Variants in CERT1 observed in about 807,000 individuals in gnomAD.
The protein encoded by CERT1 is ceramide transporter 1.
CERT1 carries 31 observed loss-of-function variants against 87.9 expected under a neutral mutation model. The observed-to-expected ratio is 0.35, with a 90% confidence interval of 0.27 to 0.48. CERT1 has a LOEUF of 0.48. CERT1 is among the 20% of genes least tolerant of loss of function. The pLI, the probability that CERT1 is intolerant of heterozygous loss-of-function variation, is 0.99. For synonymous variants in CERT1, 289 were observed against 250.9 expected, an observed-to-expected ratio of 1.15 and a Z score of -1.44; for missense variants, 487 against 758.0, an observed-to-expected ratio of 0.64 and a Z score of 4.20.
intron 2 of CERT1, 146 bp downstream of exon 2, chr5:75,505,836 T>C (rs540743556): frequency 3.7e-6 from 2 of 538,302 alleles, no homozygotes; most frequent in African/African-American, 2.0e-5. Context: ...AAAATCACTT[T>C]ATGGAAAAAA....
Position 75,379,331 on chromosome 5 carries a change from T to C in CERT1, c.*15A>G, listed in dbSNP as rs1201219256. The C allele has an allele frequency of 3.7e-6, 6 of 1,602,822 alleles. No individual in the cohort carries two copies. Among genetic ancestry groups the C allele is most frequent in the Non-Finnish European group, 5.1e-6 (6 of 1,172,670 alleles). Reference sequence around the variant, plus strand: ...TTAAAAAAAGATAAAACATATCTTCTAGTACCTGTTAATACTAGAACAAAA... The same window carrying C: ...TTAAAAAAAGATAAAACATATCTTCCAGTACCTGTTAATACTAGAACAAAA... On this transcript the variant is annotated 3_prime_UTR_variant, in exon 17 of 17. Transcript: ENST00000643780.
chr5:75,418,446 C>CA (rs992090160), intron 6 of CERT1, among the ~76,000 whole-genome samples: 2 of 152,080 alleles, frequency 1.3e-5, no homozygotes, highest in African/African-American at 4.8e-5. Flanking sequence ...AAATTAAACA[C>CA]ACCCACACCC....
At chr5:75,426,335 ATGT>A (rs1352896835) in intron 4 of CERT1, 33 bp downstream of exon 4, 1 of 1,417,410 alleles carries the variant, frequency 7.1e-7, no homozygotes, top group Admixed American at 1.7e-5. Context: ...AACTCAATTT[ATGT>A]TGTTTAACTT....
chr5:75,472,607 C>T (rs983393441), intron 2 of CERT1, among the ~76,000 whole-genome samples: 3 of 152,062 alleles, frequency 2.0e-5, no homozygotes, highest in Admixed American at 1.3e-4. Context: ...TGCACAAACA[C>T]CTGAACAAAC....
At chr5:75,463,510 G>A (rs187420562) in intron 2 of CERT1, among the ~76,000 whole-genome samples, 261 of 152,168 alleles carry the variant, frequency 1.7e-3, no homozygotes, top group Admixed American at 3.5e-3. Context: ...TAAATCCATG[G>A]CACTTATACC....
chr5:75,511,413 G>A lies in CERT1; in HGVS notation c.-206C>T, dbSNP rs954080654. On this transcript the variant is annotated 5_prime_UTR_variant, in exon 1 of 17. Coordinates refer to ENST00000643780, the MANE Select transcript of CERT1 (RefSeq NM_001379029.1). ...AGCGGAGCGAGGAAGGAGGACGAGC[G>A]GTGAAGGAAGCCTACCCTTCCAGCC... is the stretch of plus-strand genomic sequence containing the variant. 1.9e-6 allele frequency: 3 copies of A among 1,545,296 alleles called. No homozygotes were observed. Among genetic ancestry groups the A allele is most frequent in the African/African-American group, 2.7e-5 (2 of 72,924 alleles).
intron 3 of CERT1, among the ~76,000 whole-genome samples, chr5:75,448,393 G>A (rs1000961588): frequency 5.9e-5 from 9 of 152,034 alleles, no homozygotes; most frequent in African/African-American, 1.7e-4. Flanking sequence ...TTTAACCTGC[G>A]GGATACTAAT....
chr5:75,412,437 G>C (rs965647978), intron 7 of CERT1, among the ~76,000 whole-genome samples: 1 of 152,144 alleles, frequency 6.6e-6, no homozygotes, highest in Non-Finnish European at 1.5e-5. Context: ...AATCATAAGA[G>C]AACAGATTAT....
At chr5:75,385,826 A>G in intron 13 of CERT1, 76 bp downstream of exon 13, 1 of 1,104,608 alleles carries the variant, frequency 9.1e-7, no homozygotes, top group Non-Finnish European at 1.2e-6. Flanking sequence ...ACTATGTAGG[A>G]GATGCAGAAA....
chr5:75,508,966 T>C (rs1297118446), intron 1 of CERT1, among the ~76,000 whole-genome samples: 3 of 152,230 alleles, frequency 2.0e-5, no homozygotes, highest in Non-Finnish European at 2.9e-5. Context: ...TTCCCCACCA[T>C]GATCCATCAC....
At chr5:75,506,397 T>C (rs1043514395) in intron 1 of CERT1, among the ~76,000 whole-genome samples, 2 of 152,200 alleles carry the variant, frequency 1.3e-5, no homozygotes, top group Non-Finnish European at 2.9e-5. Context: ...GAAAGCCAGA[T>C]TTTGGTTAAA....
Position 75,384,696 on chromosome 5 carries a change from A to G in CERT1, c.1434T>C (p.Phe478=), listed in dbSNP as rs1387648589. ...RNDWETTIEN[F]HVVETLADNA... ...TATCAGCTAATGTTTCCACCACATG[A>G]AAGTTTTCTATAGTTGCTGAAATGA... Residue 478 remains phenylalanine, a synonymous_variant, in exon 14 of 17, where the codon TTT becomes TTC. Transcript: ENST00000643780. 2 of 1,596,274 alleles carry G rather than the reference A, an allele frequency of 1.3e-6. No individual in the cohort carries two copies. The highest frequency in any genetic ancestry group is 1.7e-6 in the Non-Finnish European group (2 of 1,164,262).
At chr5:75,462,969 C>T (rs1222429077) in intron 2 of CERT1, among the ~76,000 whole-genome samples, 1 of 125,144 alleles carries the variant, frequency 8.0e-6, no homozygotes, top group East Asian at 2.3e-4. Context: ...TCCAGCCCGG[C>T]GACAGAGCAA....
chr5:75,507,817 T>C (rs1359237527), intron 1 of CERT1, among the ~76,000 whole-genome samples: 3 of 152,294 alleles, frequency 2.0e-5, no homozygotes, highest in African/African-American at 7.2e-5. Context: ...ATGCCTAGCA[T>C]AGTCACAGAA....
At chr5:75,439,165 C>T (rs994159561) in intron 3 of CERT1, among the ~76,000 whole-genome samples, 4 of 150,628 alleles carry the variant, frequency 2.7e-5, no homozygotes, top group African/African-American at 4.9e-5. Context: ...TCAAAGTTAT[C>T]GATTAAATAA....
rs775516701 is a variant in CERT1 at position 75,511,461 on chromosome 5, G to C, written c.-254C>G. ...GCCGTCAGCCGCCGCCGCCGTCGCC[G>C]TGACCCCTGCGTTGCGCCCGGCGCT... On this transcript the variant is annotated 5_prime_UTR_variant, in exon 1 of 17. Transcript: ENST00000643780. 2.0e-6 allele frequency: 3 copies of C among 1,528,846 alleles called. No individual in the cohort carries two copies. The highest frequency in any genetic ancestry group is 1.2e-5 in the South Asian group (1 of 81,952). The allele number at this position is 1,528,846 out of a possible 1,614,324, so 94.7% of individuals were successfully genotyped here. A position where few individuals can be genotyped will look rare whatever the true frequency, so the allele number is the denominator to read the frequency against.
chr5:75,451,940 T>A (rs1021423424), intron 3 of CERT1, among the ~76,000 whole-genome samples: 1 of 152,194 alleles, frequency 6.6e-6, no homozygotes, highest in Non-Finnish European at 1.5e-5. Flanking sequence ...GGTCTTGAGC[T>A]TCACTTAGAT....
intron 2 of CERT1, among the ~76,000 whole-genome samples, chr5:75,496,984 T>A (rs545780830): frequency 2.8e-4 from 43 of 151,662 alleles, no homozygotes; most frequent in African/African-American, 7.7e-4. Context: ...ATCTTTTTTT[T>A]AAAAAAAGAC....
chr5:75,481,458 T>C (rs1043036434), intron 2 of CERT1, among the ~76,000 whole-genome samples: 1 of 152,176 alleles, frequency 6.6e-6, no homozygotes, highest in African/African-American at 2.4e-5. Context: ...CGGTAATATT[T>C]AGCCAGAGAA....
Sources: gnomAD v4.1 joint callset for allele counts (sites outside exome capture counted in the v4.1 genomes callset) on GRCh38, gnomAD v4.1.1 for gene constraint, MANE v1.5 for transcripts, NCBI Gene and HGNC (gene_info 2026-07-23, HGNC 2026-07-21) for gene names.